Variants in RASGRF1 observed in about 807,000 individuals in gnomAD.
The protein encoded by RASGRF1 is ras-specific guanine nucleotide-releasing factor 1.
RASGRF1 carries 40 observed loss-of-function variants against 138.7 expected under a neutral mutation model. The ratio of observed to expected loss-of-function variants is 0.29; its 90% CI spans 0.22 to 0.38. The LOEUF is 0.38. RASGRF1 is among the 10% of genes least tolerant of loss of function. The pLI is 1.00. For synonymous variants in RASGRF1, 614 were observed against 663.2 expected, an observed-to-expected ratio of 0.93 and a Z score of 1.14; for missense variants, 1,108 against 1,650.4, an observed-to-expected ratio of 0.67 and a Z score of 5.69.
At chr15:78,995,292 T>TTC (rs763313032) in intron 20 of RASGRF1, among the ~76,000 whole-genome samples, 3 of 29,374 alleles carry the variant, frequency 1.0e-4, no homozygotes, top group Non-Finnish European at 2.7e-4. Context: ...TTTTCTTTCT[T>TTC]TTTTTTTTTT....
At chr15:79,070,824 TGGGCTTG>T (rs572713482) in intron 1 of RASGRF1, among the ~76,000 whole-genome samples, 2 of 152,342 alleles carry the variant, frequency 1.3e-5, no homozygotes, top group Admixed American at 6.5e-5. Context: ...TTGGCTAGTA[TGGGCTTG>T]GGGTAAAAAT....
chr15:79,089,956 C>T (rs1262090973), intron 1 of RASGRF1, among the ~76,000 whole-genome samples: 1 of 152,214 alleles, frequency 6.6e-6, no homozygotes, highest in Non-Finnish European at 1.5e-5. Context: ...GTGTCGGCCC[C>T]TCTGTACCCG....
intron 6 of RASGRF1, among the ~76,000 whole-genome samples, chr15:79,034,660 T>G (rs1203400508): frequency 1.3e-5 from 2 of 151,314 alleles, no homozygotes; most frequent in Non-Finnish European, 2.9e-5. Flanking sequence ...AAAATGCTTA[T>G]GGGATAATGC....
intron 14 of RASGRF1, 22 bp from the exon 15 acceptor site, chr15:79,004,197 A>C (rs769043019): frequency 1.6e-5 from 24 of 1,542,674 alleles, no homozygotes; most frequent in Non-Finnish European, 2.1e-5. Context: ...GCGGGGGTGA[A>C]AATGACAGTT....
rs10529968 is a variant in RASGRF1 at position 78,968,250 on chromosome 15, ATG to A, written c.3681+3614_3681+3615del. Among the ~76,000 whole-genome samples the A allele has an allele frequency of 6.9e-3, 927 of 134,314 alleles. 9 individuals are homozygous for A. Among genetic ancestry groups the A allele is most frequent in the East Asian group, 0.021 (103 of 4,856 alleles). 88.1% of individuals were successfully genotyped at this position (134,314 alleles called of 152,430 possible). A position where few individuals can be genotyped will look rare whatever the true frequency, so the allele number is the denominator to read the frequency against. ...GTCTTTTTTATTTTTCATGACACTG[ATG>A]TGTGTGTGTGTGTGTGTGTGTGTGT... On this transcript the variant is annotated intron_variant, in intron 26 of 26. Coordinates refer to ENST00000558480, the MANE Select transcript of RASGRF1 (RefSeq NM_001145648.3).
rs1027231376 is a variant in RASGRF1 at position 79,073,711 on chromosome 15, G to C, written c.277-9185C>G. Among the ~76,000 whole-genome samples the C allele has an allele frequency of 6.6e-6, 1 of 152,188 alleles. No individual in the cohort carries two copies. The highest frequency in any genetic ancestry group is 1.5e-5 in the Non-Finnish European group (1 of 68,030). On this transcript the variant is annotated intron_variant, in intron 1 of 26. Transcript: ENST00000558480. The surrounding 1 kb of genome is among the most constrained non-coding windows in gnomAD (Gnocchi z 4.2). ...AACACCTGGATTCCACCTCTTCTCA[G>C]TTACGTGTGCTGGGAATGCTGCCTG...
rs182302769 is a variant in RASGRF1 at position 79,036,237 on chromosome 15, C to T, written c.879-1027G>A. Among the ~76,000 whole-genome samples the T allele has an allele frequency of 7.9e-5, 12 of 152,346 alleles. No homozygotes were observed. In the South Asian group the frequency reaches 1.2e-3, roughly 16 times the overall value. On this transcript the variant is annotated intron_variant, in intron 5 of 26. Coordinates refer to ENST00000558480, the MANE Select transcript of RASGRF1 (RefSeq NM_001145648.3). ...GCCTTGGAGACGTGGGGGTTTTCCC[C>T]AGATGCCCCCTAGGCTCTTTGTGGT...
At chr15:79,048,571 C>T (rs2057385876) in intron 4 of RASGRF1, among the ~76,000 whole-genome samples, 1 of 152,126 alleles carries the variant, frequency 6.6e-6, no homozygotes, top group African/African-American at 2.4e-5. Context: ...ATGTCTGGCA[C>T]ATAAAAAGTA....
intron 23 of RASGRF1, among the ~76,000 whole-genome samples, chr15:78,983,124 G>A (rs28407629): frequency 0.016 from 2,445 of 152,300 alleles, 28 homozygotes; most frequent in Middle Eastern, 0.024. Context: ...TCCATGGGAC[G>A]CCTGTAGAGA....
At position 79,032,927 on chromosome 15, in the gene RASGRF1, G is replaced by A. The variant is rs2057162391; in HGVS notation, c.959-611C>T. 6.6e-6 allele frequency among the ~76,000 whole-genome samples: 1 copy of A among 152,190 alleles called. No homozygotes were observed. Among genetic ancestry groups the A allele is most frequent in the African/African-American group, 2.4e-5 (1 of 41,438 alleles). On this transcript the variant is annotated intron_variant, in intron 6 of 26. Transcript: ENST00000558480. This position sits in a 1 kb window ranked among gnomAD's most constrained non-coding sequence, Gnocchi z 4.5. Reference sequence around the variant, plus strand: ...GCAGTCTCCGTCCTGAGACAGAAGTGGCCTATCTGAGGTCACAGGGCAAGT... The same window carrying A: ...GCAGTCTCCGTCCTGAGACAGAAGTAGCCTATCTGAGGTCACAGGGCAAGT...
chr15:78,993,189 G>A (rs1486882175), intron 20 of RASGRF1, among the ~76,000 whole-genome samples: 1 of 124,078 alleles, frequency 8.1e-6, no homozygotes, highest in Non-Finnish European at 1.8e-5. Context: ...TGTGTGTGGT[G>A]TGGCGTGTGT....
Position 79,025,369 on chromosome 15 carries a change from G to A in RASGRF1, c.1487C>T (p.Ser496Phe). Residue 496 changes from serine to phenylalanine, a missense_variant, in exon 10 of 27, where the codon TCT (serine) becomes TTT (phenylalanine). Physicochemically the swap from Ser to Phe is radical, Grantham distance 155. Around this residue, in one of 3 missense-constraint regions of RASGRF1, gnomAD observed 169 missense variants for 344.2 expected, o/e 0.49. Coordinates refer to ENST00000558480, the MANE Select transcript of RASGRF1 (RefSeq NM_001145648.3). ...TCTGGTACAGATAATCAGATGCTTAGAAAACAGGAAGCACTGTCGCTCGCC... is the reference window on the plus strand; with the variant it reads ...TCTGGTACAGATAATCAGATGCTTAAAAAACAGGAAGCACTGTCGCTCGCC... ...KEGERQCFLF[S>F]KHLIICTRGS... 1 of 1,614,040 alleles carries A rather than the reference G, an allele frequency of 6.2e-7. No individual in the cohort carries two copies. Among genetic ancestry groups the A allele is most frequent in the Non-Finnish European group, 8.5e-7 (1 of 1,179,960 alleles).
At chr15:79,059,752 C>T (rs961189718) in intron 2 of RASGRF1, among the ~76,000 whole-genome samples, 4 of 152,072 alleles carry the variant, frequency 2.6e-5, no homozygotes, top group African/African-American at 4.8e-5. Flanking sequence ...AACACACACC[C>T]CCCACAGAGG....
At chr15:79,001,611 C>T in intron 16 of RASGRF1, 51 bp downstream of exon 16, 1 of 1,591,708 alleles carries the variant, frequency 6.3e-7, no homozygotes, top group Non-Finnish European at 8.6e-7. Context: ...TGACCTACTG[C>T]CCTCTCCCAA....
At position 79,067,209 on chromosome 15, in the gene RASGRF1, G is replaced by T. The variant is rs72732672; in HGVS notation, c.277-2683C>A. Among the ~76,000 whole-genome samples the T allele has an allele frequency of 4.2e-3, 633 of 152,198 alleles. 3 individuals carry two copies. Among genetic ancestry groups the T allele is most frequent in the Admixed American group, 8.5e-3 (130 of 15,290 alleles). On this transcript the variant is annotated intron_variant, in intron 1 of 26. Transcript: ENST00000558480. ...TGAGGCATAACAGCCAGGCTCCAGG[G>T]GCCAGGGCGAGCTCTGGGAGTATCC...
intron 22 of RASGRF1, among the ~76,000 whole-genome samples, chr15:78,987,462 G>A (rs1013790840): frequency 1.4e-4 from 22 of 152,168 alleles, no homozygotes; most frequent in African/African-American, 5.3e-4. Context: ...TTTGGGAGCT[G>A]AGGCGGGTGG....
chr15:78,995,876 A>C, intron 19 of RASGRF1, 76 bp from the exon 20 acceptor site: 1 of 1,431,788 alleles, frequency 7.0e-7, no homozygotes, highest in Non-Finnish European at 9.8e-7. Flanking sequence ...ACAGCCCCAC[A>C]CGGCCTCTGC....
chr15:79,080,892 C>G (rs949210452), intron 1 of RASGRF1, among the ~76,000 whole-genome samples: 2 of 152,164 alleles, frequency 1.3e-5, no homozygotes, highest in African/African-American at 4.8e-5. Flanking sequence ...AGCTCAGGGC[C>G]TGGCACAAAA....
chr15:78,973,805 C>T lies in RASGRF1; in HGVS notation c.3495-385G>A, dbSNP rs530965773. ...TATCTCTCCCTGAGACTCTCCCATC[C>T]GGATCCTCCCCCGAATCACCTCCTG... is the stretch of plus-strand genomic sequence containing the variant. On this transcript the variant is annotated intron_variant, in intron 24 of 26. Transcript: ENST00000558480. The surrounding 1 kb of genome is among the most constrained non-coding windows in gnomAD (Gnocchi z 4.9). 4.6e-5 allele frequency among the ~76,000 whole-genome samples: 7 copies of T among 152,250 alleles called. No homozygotes were observed. The highest frequency in any genetic ancestry group is 8.8e-5 in the Non-Finnish European group (6 of 68,004).
Sources: gnomAD v4.1 joint callset for allele counts (sites outside exome capture counted in the v4.1 genomes callset) on GRCh38, gnomAD v4.1.1 for gene constraint, gnomAD v4.1.1 regional missense constraint, Gnocchi (gnomAD v3.1) non-coding constraint, MANE v1.5 for transcripts, NCBI Gene and HGNC (gene_info 2026-07-23, HGNC 2026-07-21) for gene names.